Variants in ZC3H7A observed in about 807,000 individuals in gnomAD.
ZC3H7A encodes zinc finger CCCH-type containing 7A.
ZC3H7A carries 44 observed loss-of-function variants against 125.5 expected under a neutral mutation model. The ratio of observed to expected loss-of-function variants is 0.35; its 90% CI spans 0.28 to 0.45. ZC3H7A has a LOEUF of 0.45. Among genes scored for constraint, ZC3H7A ranks in the 20% least tolerant of loss-of-function variants. The probability of loss-of-function intolerance (pLI) is 1.00; values close to 1 mark genes in which losing one functional copy is unlikely to be tolerated. For missense variants in ZC3H7A, 977 were observed against 1,170.7 expected, an observed-to-expected ratio of 0.83 and a Z score of 2.41; for synonymous variants, 399 against 391.2, an observed-to-expected ratio of 1.02 and a Z score of -0.23.
chr16:11,776,410 A>T lies in ZC3H7A; in HGVS notation c.546+42T>A, dbSNP rs375284106. 9 of 1,601,368 alleles carry T rather than the reference A, an allele frequency of 5.6e-6. No homozygotes were observed. In the African/African-American group the frequency reaches 8.1e-5, roughly 14 times the overall value. ...AAAAACAGAACTGACTCCAAGTTCT[A>T]AAACAAAATGAAAACACCTTATGCA... On this transcript the variant is annotated intron_variant, in intron 6 of 22. Transcript: ENST00000355758.
At chr16:11,761,296 T>C (rs937051813) in intron 19 of ZC3H7A, 110 bp downstream of exon 19, 26 of 1,033,508 alleles carry the variant, frequency 2.5e-5, no homozygotes, top group Non-Finnish European at 3.5e-5. Context: ...ATAGCATTAT[T>C]ACTGACGAAT....
At chr16:11,760,138 A>AAAAAAAAG (rs1567374764) in intron 19 of ZC3H7A, among the ~76,000 whole-genome samples, 319 of 145,172 alleles carry the variant, frequency 2.2e-3, no homozygotes, top group Non-Finnish European at 4.0e-3. Flanking sequence ...AAAAAAAAAA[A>AAAAAAAAG]AAAAAAAGAA....
chr16:11,782,657 G>A (rs1382343052), intron 1 of ZC3H7A: 1 of 222,196 alleles, frequency 4.5e-6, no homozygotes, highest in African/African-American at 2.4e-5. Context: ...GCCCAGGCTG[G>A]AGTGCAGTGG....
chr16:11,758,239 C>T (rs141434292), intron 20 of ZC3H7A, among the ~76,000 whole-genome samples, 192 bp downstream of exon 20: 1,928 of 152,318 alleles, frequency 0.013, 22 homozygotes, highest in Admixed American at 0.023. Context: ...ACAGATCAGA[C>T]GCCACATTCT....
chr16:11,763,113 GTTTT>G (rs762463810), intron 16 of ZC3H7A: 3 of 187,638 alleles, frequency 1.6e-5, no homozygotes, highest in East Asian at 2.5e-4. Context: ...ATTCCTTTTT[GTTTT>G]TTTTTTTTTT....
At chr16:11,783,781 T>A (rs2141212117) in intron 1 of ZC3H7A, among the ~76,000 whole-genome samples, 1 of 152,352 alleles carries the variant, frequency 6.6e-6, no homozygotes, top group East Asian at 1.9e-4. Context: ...TTTTTAAATC[T>A]CATTTTTTTC....
Position 11,771,043 on chromosome 16 carries a change from G to A in ZC3H7A, c.904-56C>T. 7 of 1,512,718 alleles carry A rather than the reference G, an allele frequency of 4.6e-6. No homozygotes were observed. In the East Asian group the frequency reaches 1.4e-4, roughly 29 times the overall value. 93.7% of individuals were successfully genotyped at this position (1,512,718 alleles called of 1,614,324 possible). A position where few individuals can be genotyped will look rare whatever the true frequency, so the allele number is the denominator to read the frequency against. The stretch of plus-strand genomic sequence containing the variant: ...TCATGAAGCTGTCATGGGTTTGGCT[G>A]AACTACTTTCAACACCAGCAAATAA... On this transcript the variant is annotated intron_variant, in intron 9 of 22. Coordinates refer to ENST00000355758, the MANE Select transcript of ZC3H7A (RefSeq NM_014153.4).
intron 1 of ZC3H7A, among the ~76,000 whole-genome samples, chr16:11,794,921 C>A (rs780175197): frequency 1.3e-5 from 2 of 152,074 alleles, no homozygotes; most frequent in Non-Finnish European, 2.9e-5. Flanking sequence ...TGTGTAAAAC[C>A]CCCAACGAAA....
At chr16:11,781,797 T>A (rs528609326) in intron 2 of ZC3H7A, among the ~76,000 whole-genome samples, 1 of 152,196 alleles carries the variant, frequency 6.6e-6, no homozygotes, top group East Asian at 1.9e-4. Context: ...CTAACAATAT[T>A]TGATCCAATT....
At chr16:11,776,270 A>G (rs761308295) in intron 7 of ZC3H7A, 50 bp downstream of exon 7, 1 of 1,539,104 alleles carries the variant, frequency 6.5e-7, no homozygotes, top group South Asian at 1.2e-5. Context: ...AATTGCTCCC[A>G]TCCTTCCCTT....
intron 22 of ZC3H7A, 66 bp downstream of exon 22, chr16:11,752,603 C>G (rs1481847405): frequency 6.4e-7 from 1 of 1,557,352 alleles, no homozygotes; most frequent in East Asian, 2.3e-5. Flanking sequence ...TCCGTGTCAG[C>G]TGACATGTCC....
intron 1 of ZC3H7A, among the ~76,000 whole-genome samples, chr16:11,791,088 A>AACACACACACACACAC (rs34972921): frequency 1.1e-4 from 15 of 136,116 alleles, no homozygotes; most frequent in East Asian, 6.7e-4. Flanking sequence ...AAATTTTTAA[A>AACACACACACACACAC]ACACACACAC....
intron 1 of ZC3H7A, among the ~76,000 whole-genome samples, chr16:11,790,280 G>C (rs2053328076): frequency 6.6e-6 from 1 of 152,114 alleles, no homozygotes; most frequent in Admixed American, 6.5e-5. Context: ...GCAATGTGAT[G>C]AGGCCATGTT....
At chr16:11,772,683 G>A (rs1334267175) in intron 9 of ZC3H7A, among the ~76,000 whole-genome samples, 1 of 150,890 alleles carries the variant, frequency 6.6e-6, no homozygotes, top group Non-Finnish European at 1.5e-5. Flanking sequence ...TTACTTTATG[G>A]GAGGGGTCAG....
Position 11,782,161 on chromosome 16 carries a change from G to A in ZC3H7A, c.68+126C>T, listed in dbSNP as rs892763785. 5.0e-6 allele frequency: 5 copies of A among 992,406 alleles called. No homozygotes were observed. The Admixed American group carries it at 7.0e-5, about 14-fold the overall frequency. The allele number at this position is 992,406 out of a possible 1,614,324, so 61.5% of individuals were successfully genotyped here. A position where few individuals can be genotyped will look rare whatever the true frequency, so the allele number is the denominator to read the frequency against. ...AAAGAAAAAAATATTGCTAGAATATGGAGTTTCTAACCCAAATTAACTGGA... is the reference window on the plus strand; with the variant it reads ...AAAGAAAAAAATATTGCTAGAATATAGAGTTTCTAACCCAAATTAACTGGA... On this transcript the variant is annotated intron_variant, in intron 2 of 22. Coordinates refer to ENST00000355758, the MANE Select transcript of ZC3H7A (RefSeq NM_014153.4).
In ZC3H7A at chr16:11,778,390, T is replaced by C. The variant is rs192925615; in HGVS notation, c.306+776A>G. 8.5e-3 allele frequency among the ~76,000 whole-genome samples: 1,160 copies of C among 137,116 alleles called. 18 individuals are homozygous for C. The highest frequency in any genetic ancestry group is 0.031 in the African/African-American group (1,103 of 35,708). The allele number at this position is 137,116 out of a possible 152,430, so 90.0% of individuals were successfully genotyped here. A position where few individuals can be genotyped will look rare whatever the true frequency, so the allele number is the denominator to read the frequency against. Reference sequence around the variant, plus strand: ...AGGCGGAGGTTGCAGTGAGCCGAGATCGTGCCACTGCACTCCAGCCTGGGT... The same window carrying C: ...AGGCGGAGGTTGCAGTGAGCCGAGACCGTGCCACTGCACTCCAGCCTGGGT... On this transcript the variant is annotated intron_variant, in intron 4 of 22. Transcript: ENST00000355758.
At chr16:11,761,323 G>C in intron 19 of ZC3H7A, 83 bp downstream of exon 19, 1 of 1,298,650 alleles carries the variant, frequency 7.7e-7, no homozygotes, top group Non-Finnish European at 1.1e-6. Flanking sequence ...TAAAGGGCTT[G>C]AGTTTCAATC....
chr16:11,753,059 A>G, intron 21 of ZC3H7A: 1 of 504,102 alleles, frequency 2.0e-6, no homozygotes, highest in Non-Finnish European at 3.5e-6. Flanking sequence ...TAAAGAGGCA[A>G]TAGGAGCTGG....
chr16:11,770,706 T>C, intron 10 of ZC3H7A, 77 bp downstream of exon 10: 1 of 1,344,306 alleles, frequency 7.4e-7, no homozygotes, highest in Non-Finnish European at 1.0e-6. Context: ...CTAGAGTCAG[T>C]TAAATAATTG....
Sources: gnomAD v4.1 joint callset for allele counts (sites outside exome capture counted in the v4.1 genomes callset) on GRCh38, gnomAD v4.1.1 for gene constraint, MANE v1.5 for transcripts, NCBI Gene and HGNC (gene_info 2026-07-23, HGNC 2026-07-21) for gene names.